Variants in CACNA1B observed in about 807,000 individuals in gnomAD.
CACNA1B encodes the protein voltage-dependent N-type calcium channel subunit alpha-1B.
Under a neutral mutation model 247.2 loss-of-function variants are expected in CACNA1B, and 70 were observed. The observed-to-expected ratio is 0.28, with a 90% confidence interval of 0.23 to 0.35. The LOEUF (loss-of-function observed/expected upper bound fraction) is 0.35, where lower values mean the gene tolerates loss of function less well. CACNA1B is among the 10% of genes least tolerant of loss of function. The pLI is 1.00. For missense variants in CACNA1B, 2,367 were observed against 3,197.4 expected (o/e 0.74, Z 6.26); for synonymous variants, 1,231 against 1,294.4 (o/e 0.95, Z 1.05).
intron 40 of CACNA1B, 137 bp downstream of exon 40, chr9:138,112,642 T>G: frequency 3.1e-6 from 2 of 644,200 alleles, no homozygotes; most frequent in Non-Finnish European, 5.7e-6. Flanking sequence ...CTCATGAATC[T>G]GCCCTCAGCT....
rs1314081673 is a variant in CACNA1B, at chr9:138,059,254, G to A, written c.4584+65G>A. ...TATTCTGGTTCCCCATCTGTAGGGC[G>A]ACCTTTGGGGGCTCACAATTTGGAG... On this transcript the variant is annotated intron_variant, in intron 30 of 46. Transcript: ENST00000371372. This position sits in a 1 kb window ranked among gnomAD's most constrained non-coding sequence, Gnocchi z 4.2. 15 of 876,476 alleles carry A rather than the reference G, an allele frequency of 1.7e-5. No homozygotes were observed. Among genetic ancestry groups the A allele is most frequent in the Admixed American group, 1.2e-4 (6 of 50,886 alleles). The allele number at this position is 876,476 out of a possible 1,614,324, so 54.3% of individuals were successfully genotyped here. A position where few individuals can be genotyped will look rare whatever the true frequency, so the allele number is the denominator to read the frequency against.
chr9:137,878,980 C>A, intron 1 of CACNA1B, 74 bp from the exon 2 acceptor site: 1 of 913,708 alleles, frequency 1.1e-6, no homozygotes, highest in Non-Finnish European at 1.7e-6. Flanking sequence ...GTGGCTGCTG[C>A]ACTGGGCTCT....
At chr9:138,004,612 T>C (rs1958624284) in intron 15 of CACNA1B, among the ~76,000 whole-genome samples, 1 of 151,644 alleles carries the variant, frequency 6.6e-6, no homozygotes, top group East Asian at 1.9e-4. Flanking sequence ...AAACAGCAAG[T>C]TGAAGAATGA....
intron 18 of CACNA1B, among the ~76,000 whole-genome samples, chr9:138,015,231 C>T (rs1958776503): frequency 6.6e-6 from 1 of 152,192 alleles, no homozygotes; most frequent in Non-Finnish European, 1.5e-5. Flanking sequence ...GCCTGCGGTG[C>T]AGCTGTGGGC....
In CACNA1B at chr9:137,914,534, A is replaced by G; in HGVS notation, c.623-120A>G. ...AGCTCTATCCTTTGCCCTTGCAAGC[A>G]CTCACTGCTTAGCACCTTGCTGTCC... On this transcript the variant is annotated intron_variant, in intron 4 of 46. Transcript: ENST00000371372. The surrounding 1 kb of genome is among the most constrained non-coding windows in gnomAD (Gnocchi z 4.3). 1 of 775,136 alleles carries G rather than the reference A, an allele frequency of 1.3e-6. No individual in the cohort carries two copies. The highest frequency in any genetic ancestry group is 2.1e-6 in the Non-Finnish European group (1 of 476,240). The allele number at this position is 775,136 out of a possible 1,614,324, so 48.0% of individuals were successfully genotyped here.
intron 13 of CACNA1B, 61 bp downstream of exon 13, chr9:137,984,311 CACACAGGGTGCT>C (rs1462819562): frequency 1.1e-5 from 13 of 1,188,236 alleles, no homozygotes. Flanking sequence ...TGGGATCAGC[CACACAGGGTGCT>C]TGTCCCCAGG....
chr9:138,089,784 A>ATTCT (rs1355173202), intron 36 of CACNA1B, among the ~76,000 whole-genome samples: 1 of 152,244 alleles, frequency 6.6e-6, no homozygotes, highest in Non-Finnish European at 1.5e-5. Context: ...TCATAAAGTA[A>ATTCT]TTCAGTAAAA....
intron 15 of CACNA1B, among the ~76,000 whole-genome samples, chr9:137,988,629 A>G (rs1168780504): frequency 6.6e-6 from 1 of 152,230 alleles, no homozygotes; most frequent in Non-Finnish European, 1.5e-5. Context: ...AAAATCTCTG[A>G]GGAATAGAAA....
In CACNA1B at chr9:137,879,265, G is replaced by T. The variant is rs1349405926; in HGVS notation, c.390+106G>T. 4.2e-6 allele frequency: 3 copies of T among 716,932 alleles called. No individual in the cohort carries two copies. The Admixed American group carries it at 6.9e-5, about 17-fold the overall frequency. 44.4% of individuals were successfully genotyped at this position (716,932 alleles called of 1,614,324 possible). On this transcript the variant is annotated intron_variant, in intron 2 of 46. Coordinates refer to ENST00000371372, the MANE Select transcript of CACNA1B (RefSeq NM_000718.4). ...AGCTTCCTCGGGCAGGGTCGTCTGG[G>T]CAGTGCCCCTCGCGTCTGAAGGAAA... is the stretch of plus-strand genomic sequence containing the variant.
At chr9:137,935,049 G>A (rs1237499864) in intron 6 of CACNA1B, among the ~76,000 whole-genome samples, 1 of 152,174 alleles carries the variant, frequency 6.6e-6, no homozygotes. Flanking sequence ...CCAGAGAAAG[G>A]CAAAGCCCAA....
chr9:138,115,482 C>T (rs1216390994), intron 41 of CACNA1B, 70 bp from the exon 42 acceptor site: 6 of 1,528,800 alleles, frequency 3.9e-6, no homozygotes, highest in Non-Finnish European at 5.3e-6. Flanking sequence ...GCCACATGGT[C>T]AGAGCAGGTC....
rs1257140652 is a variant in CACNA1B, at chr9:138,011,071, T to G, written c.2160+994T>G. Among the ~76,000 whole-genome samples the G allele has an allele frequency of 6.6e-6, 1 of 152,208 alleles. No homozygotes were observed. The highest frequency in any genetic ancestry group is 1.5e-5 in the Non-Finnish European group (1 of 68,044). ...CTTCTTACTCCCACGCCTCCAGACC[T>G]GGGCCATGGCCATGCCTATGCCTAG... On this transcript the variant is annotated intron_variant, in intron 17 of 46. Coordinates refer to ENST00000371372, the MANE Select transcript of CACNA1B (RefSeq NM_000718.4). This position sits in a 1 kb window ranked among gnomAD's most constrained non-coding sequence, Gnocchi z 4.2.
intron 3 of CACNA1B, among the ~76,000 whole-genome samples, chr9:137,912,815 A>T (rs1224675671): frequency 2.0e-5 from 3 of 152,116 alleles, no homozygotes; most frequent in African/African-American, 7.2e-5. Flanking sequence ...GGGGTTGGTT[A>T]GGGGATATGG....
At chr9:137,960,424 GCCTGAGAGACGGA>G (rs1958005164) in intron 10 of CACNA1B, among the ~76,000 whole-genome samples, 1 of 16,556 alleles carries the variant, frequency 6.0e-5, no homozygotes, top group African/African-American at 2.4e-4. Flanking sequence ...GGGGAGGTCA[GCCTGAGAGACGGA>G]GGGGGAGGGG....
chr9:138,045,770 A>C (rs1044678548), intron 21 of CACNA1B, among the ~76,000 whole-genome samples: 45 of 152,206 alleles, frequency 3.0e-4, no homozygotes, highest in African/African-American at 1.0e-3. Context: ...TTGAGGCAGC[A>C]GCAGGCTGGC....
intron 3 of CACNA1B, among the ~76,000 whole-genome samples, chr9:137,903,334 C>T (rs1228354103): frequency 1.3e-5 from 2 of 152,068 alleles, no homozygotes; most frequent in African/African-American, 4.8e-5. Context: ...TGCAGTGAGC[C>T]GAGATTGAGC....
chr9:138,121,358 CCT>C lies in CACNA1B; in HGVS notation c.6490-105_6490-104del. 1.2e-6 allele frequency: 1 copy of C among 816,224 alleles called. No homozygotes were observed. The highest frequency in any genetic ancestry group is 1.9e-6 in the Non-Finnish European group (1 of 539,472). The allele number at this position is 816,224 out of a possible 1,614,324, so 50.6% of individuals were successfully genotyped here. A position where few individuals can be genotyped will look rare whatever the true frequency, so the allele number is the denominator to read the frequency against. On this transcript the variant is annotated intron_variant, in intron 46 of 46. Transcript: ENST00000371372. This position sits in a 1 kb window ranked among gnomAD's most constrained non-coding sequence, Gnocchi z 6.8. ...GCAGCCCGTTGTCCCCCATTGCCTC[CCT>C]CTCTCCTCCCATCCCCCCAGGCACC...
chr9:137,904,753 G>C (rs903370406), intron 3 of CACNA1B, among the ~76,000 whole-genome samples: 1 of 151,954 alleles, frequency 6.6e-6, no homozygotes, highest in Non-Finnish European at 1.5e-5. Flanking sequence ...ATCCTGGGTT[G>C]GTTCTTAACC....
intron 11 of CACNA1B, among the ~76,000 whole-genome samples, chr9:137,972,578 C>T (rs1162140236): frequency 6.6e-6 from 1 of 152,186 alleles, no homozygotes; most frequent in Non-Finnish European, 1.5e-5. Context: ...GCCGGCTGAG[C>T]CCTGCTCTGT....
Sources: allele counts gnomAD v4.1 joint callset (sites outside exome capture counted in the v4.1 genomes callset), GRCh38; gene constraint gnomAD v4.1.1; non-coding constraint Gnocchi (gnomAD v3.1); transcripts MANE v1.5; gene names NCBI Gene and HGNC (gene_info 2026-07-23, HGNC 2026-07-21).